Variants in MBD5 observed in about 807,000 individuals in gnomAD.
MBD5 encodes methyl-CpG-binding domain protein 5.
Under a neutral mutation model 117.3 loss-of-function variants are expected in MBD5, and 13 were observed. That is an observed-to-expected ratio of 0.11 (90% CI 0.07 to 0.18). The LOEUF (loss-of-function observed/expected upper bound fraction) is 0.18, where lower values mean the gene tolerates loss of function less well. Ranked by LOEUF, MBD5 falls within the 10% of genes least tolerant of loss-of-function variation. The pLI, the probability that MBD5 is intolerant of heterozygous loss-of-function variation, is 1.00. For missense variants in MBD5, 1,879 were observed against 2,093.8 expected (o/e 0.90, Z 2.00); for synonymous variants, 727 against 766.4 (o/e 0.95, Z 0.85).
chr2:148,066,320 A>G (rs1314420686), intron 1 of MBD5, among the ~76,000 whole-genome samples: 1 of 152,078 alleles, frequency 6.6e-6, no homozygotes, highest in Non-Finnish European at 1.5e-5. Flanking sequence ...TCAGTCAGTC[A>G]GTCAATCAAT....
rs1332943692 is a variant in MBD5 at position 148,516,087 on chromosome 2, AC to A, written c.*3147del. On this transcript the variant is annotated 3_prime_UTR_variant, in exon 14 of 14. Coordinates refer to ENST00000642680, the MANE Select transcript of MBD5 (RefSeq NM_001378120.1). ...AAGTAAACACAGCCTTCTTATTTGA[AC>A]GTAACACTGCAGAATTGCAGGAAGA... 3.9e-5 allele frequency: 6 copies of A among 152,170 alleles called. No individual in the cohort carries two copies. The highest frequency in any genetic ancestry group is 1.4e-4 in the African/African-American group (6 of 41,448). 9.4% of individuals were successfully genotyped at this position (152,170 alleles called of 1,614,324 possible).
intron 4 of MBD5, among the ~76,000 whole-genome samples, chr2:148,384,948 T>C (rs1704298104): frequency 6.6e-6 from 1 of 152,080 alleles, no homozygotes; most frequent in Non-Finnish European, 1.5e-5. Flanking sequence ...TTACACCTTA[T>C]ACAAAAATTA....
intron 4 of MBD5, among the ~76,000 whole-genome samples, chr2:148,433,260 A>C (rs1706047178): frequency 6.6e-6 from 1 of 151,690 alleles, no homozygotes. Flanking sequence ...AAAGGAAGAG[A>C]CTATGGGGTT....
intron 3 of MBD5, chr2:148,244,311 G>A (rs536033250): frequency 2.6e-5 from 4 of 152,196 alleles, no homozygotes; most frequent in African/African-American, 9.6e-5. Context: ...GAGTTTAGTT[G>A]AGAAATTAGT....
intron 3 of MBD5, among the ~76,000 whole-genome samples, chr2:148,270,676 G>A (rs891413702): frequency 5.3e-5 from 8 of 151,926 alleles, no homozygotes; most frequent in South Asian, 4.2e-4. Flanking sequence ...GGTGTCAGCC[G>A]CCATGTTTGG....
At chr2:148,138,051 T>C (rs1697215045) in intron 1 of MBD5, among the ~76,000 whole-genome samples, 1 of 152,172 alleles carries the variant, frequency 6.6e-6, no homozygotes, top group Non-Finnish European at 1.5e-5. Context: ...AGATTACGAA[T>C]TGCAAATTAT....
At chr2:148,503,211 T>C (rs2105230212) in intron 12 of MBD5, among the ~76,000 whole-genome samples, 1 of 152,348 alleles carries the variant, frequency 6.6e-6, no homozygotes, top group African/African-American at 2.4e-5. Flanking sequence ...TAAACATATG[T>C]AATTGATATG....
At chr2:148,508,562 T>G (rs1019244725) in intron 12 of MBD5, among the ~76,000 whole-genome samples, 14 of 152,178 alleles carry the variant, frequency 9.2e-5, no homozygotes, top group African/African-American at 2.2e-4. Context: ...TTTATTAACA[T>G]TTCCTTCCAG....
At chr2:148,482,273 G>A (rs1681180794) in intron 8 of MBD5, among the ~76,000 whole-genome samples, 1 of 152,030 alleles carries the variant, frequency 6.6e-6, no homozygotes, top group Non-Finnish European at 1.5e-5. Context: ...AATTGTCATA[G>A]CGTTGCTTAC....
At chr2:148,244,999 GCTTTACAA>G (rs1700303079) in intron 3 of MBD5, among the ~76,000 whole-genome samples, 1 of 152,106 alleles carries the variant, frequency 6.6e-6, no homozygotes, top group East Asian at 1.9e-4. Flanking sequence ...TTTAGAGCAT[GCTTTACAA>G]AATTATGAGG....
Position 148,079,760 on chromosome 2 carries a change from G to A in MBD5, c.-925+58076G>A, listed in dbSNP as rs1253496694. On this transcript the variant is annotated intron_variant, in intron 1 of 13. Coordinates refer to ENST00000642680, the MANE Select transcript of MBD5 (RefSeq NM_001378120.1). ...TAATCCCAGCTACTCTAGAGGCTGA[G>A]GTAGTAGAATAGCTTAACCCCGGGA... 2.6e-5 allele frequency among the ~76,000 whole-genome samples: 4 copies of A among 151,942 alleles called. No homozygotes were observed. The East Asian group carries it at 7.8e-4, about 29-fold the overall frequency.
rs369980598 is a variant in MBD5 at position 148,311,295 on chromosome 2, G to T, written c.-679-30919G>T. Among the ~76,000 whole-genome samples, 20 of 152,184 alleles carry T rather than the reference G, an allele frequency of 1.3e-4. 1 individual carries two copies. Among genetic ancestry groups the T allele is most frequent in the Admixed American group, 9.8e-4 (15 of 15,276 alleles). On this transcript the variant is annotated intron_variant, in intron 3 of 13. Coordinates refer to ENST00000642680, the MANE Select transcript of MBD5 (RefSeq NM_001378120.1). ...TGTGGGAGTCTAAGTCTCTTTGTAG[G>T]TCTCTAAGAACTTGCATTATGAATC... is the stretch of plus-strand genomic sequence containing the variant.
intron 2 of MBD5, among the ~76,000 whole-genome samples, chr2:148,216,189 C>T (rs1206016729): frequency 6.6e-6 from 1 of 152,090 alleles, no homozygotes; most frequent in African/African-American, 2.4e-5. Flanking sequence ...GATAGAAATG[C>T]CCAGTCATGG....
chr2:148,108,015 C>A (rs889635775), intron 1 of MBD5, among the ~76,000 whole-genome samples: 1 of 152,070 alleles, frequency 6.6e-6, no homozygotes. Context: ...ATTCAAACTA[C>A]AGACTTCAAT....
chr2:148,480,985 C>A (rs927194002), intron 8 of MBD5, among the ~76,000 whole-genome samples: 3 of 152,168 alleles, frequency 2.0e-5, no homozygotes, highest in South Asian at 4.2e-4. Context: ...ATTAGCACAG[C>A]ACCACTACTA....
intron 3 of MBD5, among the ~76,000 whole-genome samples, chr2:148,339,569 T>A (rs1472263396): frequency 6.6e-6 from 1 of 152,082 alleles, no homozygotes; most frequent in African/African-American, 2.4e-5. Flanking sequence ...TGCCTCCAGA[T>A]TAACAACAGT....
intron 4 of MBD5, among the ~76,000 whole-genome samples, chr2:148,368,238 A>G (rs943210471): frequency 6.6e-6 from 1 of 152,110 alleles, no homozygotes; most frequent in Non-Finnish European, 1.5e-5. Flanking sequence ...AGAAAACCAA[A>G]CACCGCATGT....
At chr2:148,158,482 A>G (rs1697924474) in intron 1 of MBD5, among the ~76,000 whole-genome samples, 1 of 152,218 alleles carries the variant, frequency 6.6e-6, no homozygotes, top group Non-Finnish European at 1.5e-5. Flanking sequence ...TCTACTCATT[A>G]TACCCAGAGC....
chr2:148,151,260 A>T (rs1412760622), intron 1 of MBD5, among the ~76,000 whole-genome samples: 2 of 151,978 alleles, frequency 1.3e-5, no homozygotes, highest in African/African-American at 4.8e-5. Context: ...ATTTGCATAT[A>T]TTGAACCAGC....
Sources: gnomAD v4.1 joint callset for allele counts (sites outside exome capture counted in the v4.1 genomes callset) on GRCh38, gnomAD v4.1.1 for gene constraint, MANE v1.5 for transcripts, NCBI Gene and HGNC (gene_info 2026-07-23, HGNC 2026-07-21) for gene names.